Variants in BAZ1A observed in about 807,000 individuals in gnomAD.
BAZ1A encodes the protein bromodomain adjacent to zinc finger domain protein 1A.
BAZ1A carries 50 observed loss-of-function variants against 185.2 expected under a neutral mutation model. The ratio of observed to expected loss-of-function variants is 0.27; its 90% CI spans 0.22 to 0.34. The LOEUF (loss-of-function observed/expected upper bound fraction) is 0.34. Among genes scored for constraint, BAZ1A ranks in the 10% least tolerant of loss-of-function variants. The pLI, the probability that BAZ1A is intolerant of heterozygous loss-of-function variation, is 1.00. For missense variants in BAZ1A, 1,356 were observed against 1,839.9 expected (o/e 0.74, Z 4.81); for synonymous variants, 571 against 615.6 (o/e 0.93, Z 1.07).
intron 3 of BAZ1A, among the ~76,000 whole-genome samples, chr14:34,846,234 A>T (rs1252510551): frequency 6.6e-6 from 1 of 152,220 alleles, no homozygotes; most frequent in Non-Finnish European, 1.5e-5. Flanking sequence ...ATCTCAGTTT[A>T]CTTGCCACTC....
At chr14:34,814,423 AGATTCT>A (rs1051304453) in intron 4 of BAZ1A, among the ~76,000 whole-genome samples, 35 of 152,276 alleles carry the variant, frequency 2.3e-4, no homozygotes, top group Admixed American at 9.2e-4. Context: ...CTAAAAATTT[AGATTCT>A]GAGTATTCAG....
At chr14:34,766,320 A>G (rs956058738) in intron 21 of BAZ1A, among the ~76,000 whole-genome samples, 8 of 152,228 alleles carry the variant, frequency 5.3e-5, no homozygotes, top group African/African-American at 1.9e-4. Flanking sequence ...AAACTAGTCT[A>G]TTCTATGGTC....
intron 9 of BAZ1A, among the ~76,000 whole-genome samples, chr14:34,799,932 A>G (rs187662407): frequency 5.9e-5 from 9 of 152,188 alleles, no homozygotes; most frequent in African/African-American, 1.4e-4. Flanking sequence ...CAAACTGCGT[A>G]TTTTACCTCT....
At chr14:34,827,062 A>ACT (rs1491213968) in intron 3 of BAZ1A, among the ~76,000 whole-genome samples, 5 of 150,020 alleles carry the variant, frequency 3.3e-5, no homozygotes, top group Non-Finnish European at 3.0e-5. Context: ...CCTCCTCCAT[A>ACT]CTCTCTCCCC....
chr14:34,761,017 G>A (rs1379850703), intron 24 of BAZ1A, among the ~76,000 whole-genome samples: 1 of 151,900 alleles, frequency 6.6e-6, no homozygotes, highest in Non-Finnish European at 1.5e-5. Flanking sequence ...GGTGGCTCAC[G>A]CCTATAATCC....
At position 34,779,706 on chromosome 14, in the gene BAZ1A, A is replaced by G. The variant is rs141490842; in HGVS notation, c.2236+480T>C. Among the ~76,000 whole-genome samples the G allele has an allele frequency of 9.5e-4, 144 of 152,328 alleles. 1 individual carries two copies. The Middle Eastern group carries it at 0.014, about 14-fold the overall frequency. On this transcript the variant is annotated intron_variant, in intron 17 of 26. Transcript: ENST00000360310. The stretch of plus-strand genomic sequence containing the variant: ...TTGCTTTGATCTAGCAATTTATGAA[A>G]TAATTTTAAGGCAGGAGAGATTACC...
intron 14 of BAZ1A, 32 bp from the exon 15 acceptor site, chr14:34,783,959 T>C: frequency 6.5e-7 from 1 of 1,543,124 alleles, no homozygotes; most frequent in Non-Finnish European, 8.7e-7. Context: ...TTCTGTATTA[T>C]AAATCGCAGC....
intron 3 of BAZ1A, among the ~76,000 whole-genome samples, chr14:34,833,620 T>C (rs971538611): frequency 1.3e-5 from 2 of 152,154 alleles, no homozygotes; most frequent in African/African-American, 2.4e-5. Context: ...ATTCCACTTA[T>C]ATGAAGTATC....
rs1886285334 is a variant in BAZ1A, at chr14:34,757,133, GACAC to G, written c.4386+1567_4386+1570del. ...TAATCCCAGCACTTTGGGAGGCCAA[GACAC>G]ATGGATCACCTGAGGTTAGGAGTTT... On this transcript the variant is annotated intron_variant, in intron 25 of 26. Coordinates refer to ENST00000360310, the MANE Select transcript of BAZ1A (RefSeq NM_013448.3). Among the ~76,000 whole-genome samples the G allele has an allele frequency of 3.3e-5, 5 of 152,280 alleles. No homozygotes were observed. In the South Asian group the frequency reaches 1.0e-3, roughly 32 times the overall value.
Position 34,815,875 on chromosome 14 carries a change from A to C in BAZ1A, c.537-4839T>G, listed in dbSNP as rs548573457. Among the ~76,000 whole-genome samples, 244 of 152,264 alleles carry C rather than the reference A, an allele frequency of 1.6e-3. 1 individual carries two copies. Among genetic ancestry groups the C allele is most frequent in the African/African-American group, 5.8e-3 (241 of 41,572 alleles). ...AGGCACAGGAGATATATATATGTAT[A>C]AAAATTTAAAATGCTAATGTTATTT... On this transcript the variant is annotated intron_variant, in intron 4 of 26. Coordinates refer to ENST00000360310, the MANE Select transcript of BAZ1A (RefSeq NM_013448.3).
At chr14:34,759,415 C>CCT (rs1886429249) in intron 24 of BAZ1A, among the ~76,000 whole-genome samples, 3 of 151,804 alleles carry the variant, frequency 2.0e-5, no homozygotes, top group Admixed American at 2.0e-4. Context: ...GATCTCCTGA[C>CCT]CTCGTGATCT....
chr14:34,854,642 CATTTTA>C (rs765249229), intron 3 of BAZ1A, among the ~76,000 whole-genome samples: 102 of 152,290 alleles, frequency 6.7e-4, no homozygotes, highest in Admixed American at 1.2e-3. Flanking sequence ...TATACATTTT[CATTTTA>C]ATCTCGCAAT....
At position 34,783,427 on chromosome 14, in the gene BAZ1A, C is replaced by G. The variant is rs562846631; in HGVS notation, c.1998-195G>C. Among the ~76,000 whole-genome samples, 7 of 148,408 alleles carry G rather than the reference C, an allele frequency of 4.7e-5. No individual in the cohort carries two copies. The South Asian group carries it at 1.5e-3, about 32-fold the overall frequency. ...CTTCTGCCCAGGCTGATCCTGCTTC[C>G]CAGGATCAAGTGATTCTCGTGCCTC... On this transcript the variant is annotated intron_variant, in intron 15 of 26. Coordinates refer to ENST00000360310, the MANE Select transcript of BAZ1A (RefSeq NM_013448.3).
At chr14:34,834,701 A>G (rs1433699612) in intron 3 of BAZ1A, among the ~76,000 whole-genome samples, 1 of 152,184 alleles carries the variant, frequency 6.6e-6, no homozygotes, top group Non-Finnish European at 1.5e-5. Flanking sequence ...ATGTTACTCA[A>G]GATGCCAAGT....
At chr14:34,781,062 C>T (rs1555339098) in intron 16 of BAZ1A, among the ~76,000 whole-genome samples, 1 of 151,908 alleles carries the variant, frequency 6.6e-6, no homozygotes. Context: ...TTGTTTAATT[C>T]ATTATATTAT....
chr14:34,821,948 C>T (rs2042096407), intron 4 of BAZ1A, among the ~76,000 whole-genome samples: 1 of 151,640 alleles, frequency 6.6e-6, no homozygotes, highest in African/African-American at 2.4e-5. Context: ...CGCACCATTG[C>T]ACTCCAGCCT....
At chr14:34,850,076 T>C (rs1019122935) in intron 3 of BAZ1A, among the ~76,000 whole-genome samples, 2 of 151,916 alleles carry the variant, frequency 1.3e-5, no homozygotes, top group African/African-American at 2.4e-5. Context: ...AAGCTATCCC[T>C]GTGACCAAAA....
At chr14:34,791,148 A>AGAGAAGAG (rs1555339955) in intron 12 of BAZ1A, among the ~76,000 whole-genome samples, 3 of 151,434 alleles carry the variant, frequency 2.0e-5, no homozygotes, top group African/African-American at 7.3e-5. Context: ...AGAGAAGAGA[A>AGAGAAGAG]AAGAGAAGAG....
At position 34,874,947 on chromosome 14, in the gene BAZ1A, C is replaced by T. The variant is rs1206025822; in HGVS notation, c.-59+191G>A. ...GGCAGTGCGGGAGCGGCGGCGGCCC[C>T]CTCCCCCAGCGCCGGCTCCTCGCCC... On this transcript the variant is annotated intron_variant, in intron 1 of 26. Coordinates refer to ENST00000360310, the MANE Select transcript of BAZ1A (RefSeq NM_013448.3). This position sits in a 1 kb window ranked among gnomAD's most constrained non-coding sequence, Gnocchi z 4.7. 1.3e-5 allele frequency: 2 copies of T among 152,470 alleles called. No individual in the cohort carries two copies. Among genetic ancestry groups the T allele is most frequent in the East Asian group, 2.0e-4 (1 of 5,126 alleles). The allele number at this position is 152,470 out of a possible 1,614,324, so 9.4% of individuals were successfully genotyped here.
Sources: gnomAD v4.1 joint callset for allele counts (sites outside exome capture counted in the v4.1 genomes callset) on GRCh38, gnomAD v4.1.1 for gene constraint, Gnocchi (gnomAD v3.1) non-coding constraint, MANE v1.5 for transcripts, NCBI Gene and HGNC (gene_info 2026-07-23, HGNC 2026-07-21) for gene names.